The following CFAP65 variants were observed in gnomAD, a reference collection of about 807,000 sequenced individuals.
CFAP65 encodes cilia- and flagella-associated protein 65.
Under a neutral mutation model 208.0 loss-of-function variants are expected in CFAP65, and 155 were observed. The observed-to-expected ratio is 0.75, with a 90% CI of 0.65 to 0.85. CFAP65 has a LOEUF of 0.85. CFAP65 is among the 40% of genes least tolerant of loss of function. The pLI, the probability that CFAP65 is intolerant of heterozygous loss-of-function variation, is 0.00. For missense variants in CFAP65, 2,294 were observed against 2,451.3 expected (o/e 0.94, Z 1.36); for synonymous variants, 970 against 986.3 (o/e 0.98, Z 0.31).
At chr2:219,016,774 C>G (rs2106145329) in intron 21 of CFAP65, among the ~76,000 whole-genome samples, 1 of 152,358 alleles carries the variant, frequency 6.6e-6, no homozygotes, top group East Asian at 1.9e-4. Context: ...AAAGCTGATC[C>G]TGTCTTTGCT....
chr2:219,006,864 G>GCT (rs1359447219), intron 29 of CFAP65, among the ~76,000 whole-genome samples: 1 of 151,254 alleles, frequency 6.6e-6, no homozygotes, highest in Non-Finnish European at 1.5e-5. Flanking sequence ...GATGTGAGAG[G>GCT]CTAAAGAGAC....
chr2:219,035,471 T>C lies in CFAP65; in HGVS notation c.542+9A>G, dbSNP rs541052489. On this transcript the variant is annotated intron_variant, in intron 5 of 34. Transcript: ENST00000341552. The stretch of plus-strand genomic sequence containing the variant: ...GTGGCACTGGGTCCTTGATCCCTTA[T>C]ACTGGTACCTGTACTTCATCTTCTG... 6 of 1,614,194 alleles carry C rather than the reference T, an allele frequency of 3.7e-6. No homozygotes were observed. In the East Asian group the frequency reaches 8.9e-5, roughly 24 times the overall value.
At chr2:219,008,619 C>T (rs1034812156) in intron 29 of CFAP65, among the ~76,000 whole-genome samples, 1 of 152,128 alleles carries the variant, frequency 6.6e-6, no homozygotes, top group Admixed American at 6.5e-5. Flanking sequence ...GTGGTGGGCA[C>T]CTGTAGTCCC....
chr2:219,023,561 C>A (rs1947416506), intron 15 of CFAP65, 130 bp from the exon 16 acceptor site: 6 of 672,346 alleles, frequency 8.9e-6, no homozygotes, highest in Non-Finnish European at 1.3e-5. Flanking sequence ...CCTCTGCCAG[C>A]CCGTGTACCG....
intron 18 of CFAP65, 95 bp from the exon 19 acceptor site, chr2:219,021,375 G>C: frequency 1.3e-5 from 18 of 1,385,746 alleles, no homozygotes; most frequent in Non-Finnish European, 1.7e-5. Context: ...CACCAGGGGA[G>C]GACAGCAGGC....
intron 27 of CFAP65, 74 bp downstream of exon 27, chr2:219,009,868 T>C: frequency 8.0e-7 from 1 of 1,249,162 alleles, no homozygotes; most frequent in Non-Finnish European, 1.1e-6. Flanking sequence ...AGTGGGGTGG[T>C]ATGGGATGGG....
Position 219,021,215 on chromosome 2 carries a change from C to T in CFAP65, c.3196G>A (p.Ala1066Thr). The T allele has an allele frequency of 1.9e-6, 3 of 1,608,426 alleles. No homozygotes were observed. The highest frequency in any genetic ancestry group is 2.5e-6 in the Non-Finnish European group (3 of 1,177,154). ...TACTGGGACCGCTGCTTGGGACAGG[C>T]AGTCAGGCAGATGGTGTCCTGGGAC... is the stretch of plus-strand genomic sequence containing the variant. The part of the protein sequence containing the change: ...PRSQDTICLT[A>T]CPKQRSQYSW... Residue 1066 changes from alanine to threonine, a missense_variant, in exon 19 of 35, where the codon GCC becomes ACC. This residue lies in a region of CFAP65 where 1,427 missense variants were observed against 1,438.7 expected (regional missense o/e 0.99). Transcript: ENST00000341552.
At position 219,009,350 on chromosome 2, in the gene CFAP65, G is replaced by T; in HGVS notation, c.4563C>A (p.Cys1521Ter). 1 of 1,610,112 alleles carries T rather than the reference G, an allele frequency of 6.2e-7. No individual in the cohort carries two copies. The highest frequency in any genetic ancestry group is 8.5e-7 in the Non-Finnish European group (1 of 1,177,594). The change falls in exon 28 of 35, where the codon TGC (cysteine) becomes TGA (stop). Residue 1521 changes from cysteine (C) to a stop codon, truncating the protein, a stop_gained. Coordinates refer to ENST00000341552, the MANE Select transcript of CFAP65 (RefSeq NM_194302.4). LOFTEE classifies it high-confidence loss of function. The stretch of plus-strand genomic sequence containing the variant: ...TACCCCTGGGGCTGGTTCCTACCTT[G>T]CATACCAGGTCTGCACTGTAGAAGC... ...HASFYSADLV[C>*]KLYSQQLMRQ...
Position 219,019,115 on chromosome 2 carries a change from A to G in CFAP65, c.3538T>C (p.Phe1180Leu), listed in dbSNP as rs200240886. The G allele has an allele frequency of 8.8e-4, 1,415 of 1,614,186 alleles. 9 individuals carry two copies. In the South Asian group the frequency reaches 0.012, roughly 14 times the overall value. The change falls in exon 21 of 35, where the codon TTC becomes CTC. Residue 1180 changes from phenylalanine to leucine, a missense_variant. This residue lies in a region of CFAP65 where 1,427 missense variants were observed against 1,438.7 expected (regional missense o/e 0.99). Coordinates refer to ENST00000341552, the MANE Select transcript of CFAP65 (RefSeq NM_194302.4). ...RLDFNFGAAP[F>L]KAPPSVVFLA... ...AATACCACGGAAGGTGGGGCCTTGA[A>G]TGGTGCGGCCCCGAAATTGAAGTCA... is the stretch of plus-strand genomic sequence containing the variant.
In CFAP65 at chr2:219,016,655, A is replaced by G. The variant is rs12622559; in HGVS notation, c.3602+2396T>C. On this transcript the variant is annotated intron_variant, in intron 21 of 34. Transcript: ENST00000341552. Reference sequence around the variant, plus strand: ...TTCCAGCCCTCTAGCGTGGGCTTCTATGCCATCTTGCACCCCTCTATCTGG... The same window carrying G: ...TTCCAGCCCTCTAGCGTGGGCTTCTGTGCCATCTTGCACCCCTCTATCTGG... 2.6e-5 allele frequency among the ~76,000 whole-genome samples: 4 copies of G among 152,116 alleles called. No individual in the cohort carries two copies. In the East Asian group the frequency reaches 5.8e-4, roughly 22 times the overall value.
intron 32 of CFAP65, 150 bp downstream of exon 32, chr2:219,005,284 C>A: frequency 9.1e-7 from 1 of 1,098,378 alleles, no homozygotes; most frequent in Non-Finnish European, 1.3e-6. Context: ...CTGCTGCCTC[C>A]CAAAGTGTTG....
chr2:219,021,666 T>A, intron 18 of CFAP65, 114 bp downstream of exon 18: 4 of 1,204,762 alleles, frequency 3.3e-6, no homozygotes, highest in Non-Finnish European at 4.7e-6. Flanking sequence ...CCACCTCAGC[T>A]TCTTGAAGAG....
At chr2:219,026,806 TGAACCTC>T in intron 13 of CFAP65, 1 of 986,144 alleles carries the variant, frequency 1.0e-6, no homozygotes, top group African/African-American at 1.7e-5. Flanking sequence ...TCTGACAGGC[TGAACCTC>T]AGCAGAGCCA....
chr2:219,038,264 T>C (rs1196663947), intron 4 of CFAP65, 111 bp downstream of exon 4: 1 of 963,018 alleles, frequency 1.0e-6, no homozygotes, highest in East Asian at 2.6e-5. Context: ...AGTGCTCAGA[T>C]GCAGAGGGAA....
intron 29 of CFAP65, among the ~76,000 whole-genome samples, chr2:219,006,901 C>G (rs1381056422): frequency 6.6e-6 from 1 of 151,900 alleles, no homozygotes; most frequent in Non-Finnish European, 1.5e-5. Flanking sequence ...TCTTGCTGCC[C>G]TCTTGGTCCT....
At position 219,026,038 on chromosome 2, in the gene CFAP65, G is replaced by A; in HGVS notation, c.2333C>T (p.Ser778Phe). Residue 778 changes from serine to phenylalanine, a missense_variant, in exon 14 of 35, where the codon TCC (serine) becomes TTC (phenylalanine). Coordinates refer to ENST00000341552, the MANE Select transcript of CFAP65 (RefSeq NM_194302.4). ...CACGCTTACCTTGGGGACATCTAGGGAATACTGGGGGATGTGGTGCTCAAA... is the reference window on the plus strand; with the variant it reads ...CACGCTTACCTTGGGGACATCTAGGAAATACTGGGGGATGTGGTGCTCAAA... ...AGFEHHIPQY[S>F]LDVPKLFPAV... 1 of 1,614,096 alleles carries A rather than the reference G, an allele frequency of 6.2e-7. No homozygotes were observed. Among genetic ancestry groups the A allele is most frequent in the South Asian group, 1.1e-5 (1 of 91,078 alleles).
In CFAP65 at chr2:219,003,681, G is replaced by A. The variant is rs560487125; in HGVS notation, c.5555+271C>T. ...AGGTGGTCCTTTTCTGGCTCTAGAA[G>A]CCCATTTACAAGACTTTGCAGACTA... On this transcript the variant is annotated intron_variant, in intron 33 of 34. Coordinates refer to ENST00000341552, the MANE Select transcript of CFAP65 (RefSeq NM_194302.4). The surrounding 1 kb of genome is among the most constrained non-coding windows in gnomAD (Gnocchi z 4.4). Among the ~76,000 whole-genome samples, 3 of 152,278 alleles carry A rather than the reference G, an allele frequency of 2.0e-5. No individual in the cohort carries two copies. Among genetic ancestry groups the A allele is most frequent in the East Asian group, 3.9e-4 (2 of 5,184 alleles).
rs1032445941 is a variant in CFAP65, at chr2:219,032,632, C to T, written c.543-60G>A. Reference sequence around the variant, plus strand: ...CAGGGCTCAGAACAACTGGAAGAGGCAGGAAACGAGGGAAGCCCTGCAGCC... The same window carrying T: ...CAGGGCTCAGAACAACTGGAAGAGGTAGGAAACGAGGGAAGCCCTGCAGCC... On this transcript the variant is annotated intron_variant, in intron 5 of 34. Coordinates refer to ENST00000341552, the MANE Select transcript of CFAP65 (RefSeq NM_194302.4). This position sits in a 1 kb window ranked among gnomAD's most constrained non-coding sequence, Gnocchi z 5.5. The T allele has an allele frequency of 5.5e-6, 8 of 1,458,390 alleles. No homozygotes were observed. The highest frequency in any genetic ancestry group is 7.5e-6 in the Non-Finnish European group (8 of 1,067,140). 90.3% of individuals were successfully genotyped at this position (1,458,390 alleles called of 1,614,324 possible). A position where few individuals can be genotyped will look rare whatever the true frequency, so the allele number is the denominator to read the frequency against.
At chr2:219,021,734 C>G in intron 18 of CFAP65, 46 bp downstream of exon 18, 1 of 1,604,866 alleles carries the variant, frequency 6.2e-7, no homozygotes, top group Non-Finnish European at 8.5e-7. Flanking sequence ...TAACCAGTAC[C>G]TCCTCCCACC....
Sources: gnomAD v4.1 joint callset for allele counts (sites outside exome capture counted in the v4.1 genomes callset) on GRCh38, gnomAD v4.1.1 for gene constraint, gnomAD v4.1.1 regional missense constraint, Gnocchi (gnomAD v3.1) non-coding constraint, MANE v1.5 for transcripts, NCBI Gene and HGNC (gene_info 2026-07-23, HGNC 2026-07-21) for gene names.